EYS: variants seen among roughly 807,000 people sequenced by gnomAD.
The protein encoded by EYS is protein eyes shut homolog.
In EYS, 250 loss-of-function variants were observed where a neutral mutation model predicts 282.1. The observed-to-expected ratio is 0.89, with a 90% CI of 0.80 to 0.98. EYS has a LOEUF of 0.98. EYS is among the 50% of genes least tolerant of loss of function. EYS has a pLI of 0.00. For synonymous variants in EYS, 1,355 were observed against 1,282.9 expected (o/e 1.06, Z -1.20); for missense variants, 4,016 against 3,709.0 (o/e 1.08, Z -2.15).
At chr6:64,322,631 T>C (rs1380420627) in intron 29 of EYS, among the ~76,000 whole-genome samples, 3 of 152,034 alleles carry the variant, frequency 2.0e-5, no homozygotes, top group Non-Finnish European at 4.4e-5. Flanking sequence ...ATAAGTTTTG[T>C]GGTTGAGGTG....
At chr6:63,878,702 G>C (rs11759067) in intron 35 of EYS, among the ~76,000 whole-genome samples, 17,836 of 152,142 alleles carry the variant, frequency 0.12, 1,278 homozygotes, top group African/African-American at 0.19. Flanking sequence ...CACCCTTGCT[G>C]TCACCTCGTA....
At chr6:63,820,222 A>T (rs1771286859) in intron 36 of EYS, among the ~76,000 whole-genome samples, 1 of 152,076 alleles carries the variant, frequency 6.6e-6, no homozygotes, top group South Asian at 2.1e-4. Flanking sequence ...TATTTCCCTG[A>T]TTACTAGTGA....
chr6:65,605,147 A>G (rs565494713), intron 2 of EYS, among the ~76,000 whole-genome samples: 85 of 151,376 alleles, frequency 5.6e-4, no homozygotes, highest in Middle Eastern at 3.4e-3. Flanking sequence ...ACTGGCTTTC[A>G]CTGCACATTT....
At chr6:64,293,031 G>T (rs1364306795) in intron 30 of EYS, among the ~76,000 whole-genome samples, 1 of 151,938 alleles carries the variant, frequency 6.6e-6, no homozygotes, top group Non-Finnish European at 1.5e-5. Flanking sequence ...GACTGTTAAT[G>T]ATATCAATAT....
chr6:64,219,441 A>C (rs1396014155), intron 31 of EYS, among the ~76,000 whole-genome samples: 3 of 152,212 alleles, frequency 2.0e-5, no homozygotes, highest in Non-Finnish European at 4.4e-5. Context: ...AGGTCATTTA[A>C]TAACTGAATG....
rs1767045077 is a variant in EYS at position 64,885,027 on chromosome 6, C to T, written c.2992+1670G>A. Among the ~76,000 whole-genome samples the T allele has an allele frequency of 2.6e-5, 4 of 151,620 alleles. No individual in the cohort carries two copies. In the South Asian group the frequency reaches 8.3e-4, roughly 31 times the overall value. Reference sequence around the variant, plus strand: ...ATAATGACTTAAGTCATTGCAGTAGCAATTCTGAATGCATGAACCTATAAT... The same window carrying T: ...ATAATGACTTAAGTCATTGCAGTAGTAATTCTGAATGCATGAACCTATAAT... On this transcript the variant is annotated intron_variant, in intron 19 of 42. Coordinates refer to ENST00000503581, the MANE Select transcript of EYS (RefSeq NM_001142800.2).
intron 22 of EYS, among the ~76,000 whole-genome samples, chr6:64,786,513 T>C (rs1271815094): frequency 2.0e-5 from 3 of 152,132 alleles, no homozygotes; most frequent in Admixed American, 6.5e-5. Context: ...CATGGGGATA[T>C]GCGGGGGCAG....
intron 33 of EYS, among the ~76,000 whole-genome samples, chr6:63,999,447 A>T (rs933697530): frequency 2.0e-5 from 3 of 152,216 alleles, no homozygotes; most frequent in African/African-American, 7.2e-5. Context: ...ACCTCCCACA[A>T]AATAAAAAGA....
chr6:64,060,432 G>T (rs913625359), intron 33 of EYS, among the ~76,000 whole-genome samples: 4 of 152,142 alleles, frequency 2.6e-5, no homozygotes, highest in Non-Finnish European at 4.4e-5. Context: ...TTGAGCAGAG[G>T]TGTCTGAGAG....
chr6:64,859,228 T>A (rs1766160964), intron 19 of EYS, among the ~76,000 whole-genome samples: 1 of 147,776 alleles, frequency 6.8e-6, no homozygotes, highest in African/African-American at 2.4e-5. Context: ...TCTAATATAT[T>A]TATATTTATT....
chr6:65,404,995 G>A (rs191328628), intron 6 of EYS, among the ~76,000 whole-genome samples, 179 bp downstream of exon 6: 54 of 151,946 alleles, frequency 3.6e-4, no homozygotes, highest in Non-Finnish European at 6.3e-4. Context: ...ACTGATGGAA[G>A]AGCAAAGTTT....
chr6:65,398,603 C>A (rs1766377787), intron 7 of EYS, among the ~76,000 whole-genome samples: 2 of 151,862 alleles, frequency 1.3e-5, no homozygotes, highest in Admixed American at 1.3e-4. Flanking sequence ...TGCAACAAAA[C>A]AAAAATAGAC....
chr6:64,856,704 T>A lies in EYS; in HGVS notation c.2992+29993A>T, dbSNP rs965048076. Among the ~76,000 whole-genome samples the A allele has an allele frequency of 5.3e-5, 8 of 152,334 alleles. No individual in the cohort carries two copies. In the East Asian group the frequency reaches 1.5e-3, roughly 29 times the overall value. Reference sequence around the variant, plus strand: ...ATGCACGTTTCACAAACATTTTATCTCATTTTGTGCTTGTCTTTTTAGTCC... The same window carrying A: ...ATGCACGTTTCACAAACATTTTATCACATTTTGTGCTTGTCTTTTTAGTCC... On this transcript the variant is annotated intron_variant, in intron 19 of 42. Transcript: ENST00000503581.
intron 30 of EYS, among the ~76,000 whole-genome samples, chr6:64,286,720 GA>G (rs1768516191): frequency 1.3e-5 from 2 of 152,094 alleles, no homozygotes; most frequent in African/African-American, 2.4e-5. Flanking sequence ...AAAAGAAAAA[GA>G]AAAGCTTAAA....
chr6:64,092,408 C>T (rs1045830642), intron 31 of EYS, among the ~76,000 whole-genome samples: 3 of 152,136 alleles, frequency 2.0e-5, no homozygotes, highest in Admixed American at 6.5e-5. Flanking sequence ...TCCTCTCCAG[C>T]ACCTGTTGTT....
intron 26 of EYS, among the ~76,000 whole-genome samples, chr6:64,471,587 C>A (rs1288112549): frequency 1.3e-5 from 2 of 151,960 alleles, no homozygotes; most frequent in Non-Finnish European, 2.9e-5. Flanking sequence ...ATTGAAGGGG[C>A]CACAAGCAAA....
At chr6:64,323,947 A>C (rs1770311543) in intron 29 of EYS, among the ~76,000 whole-genome samples, 1 of 152,168 alleles carries the variant, frequency 6.6e-6, no homozygotes, top group Non-Finnish European at 1.5e-5. Context: ...TAGCCCAAGA[A>C]TGTGGGATCA....
chr6:64,421,646 A>G (rs1023574924), intron 28 of EYS, among the ~76,000 whole-genome samples: 16 of 152,184 alleles, frequency 1.1e-4, no homozygotes, highest in Non-Finnish European at 2.1e-4. Flanking sequence ...GCTAAACACA[A>G]TCAGTATGCT....
chr6:65,267,642 A>G (rs1187137700), intron 12 of EYS, among the ~76,000 whole-genome samples: 1 of 151,998 alleles, frequency 6.6e-6, no homozygotes, highest in Non-Finnish European at 1.5e-5. Flanking sequence ...ACGTGTACAG[A>G]TGTTACCCTC....
Sources: gnomAD v4.1 joint callset for allele counts (sites outside exome capture counted in the v4.1 genomes callset) on GRCh38, gnomAD v4.1.1 for gene constraint, MANE v1.5 for transcripts, NCBI Gene and HGNC (gene_info 2026-07-23, HGNC 2026-07-21) for gene names.